Variants in DCC observed in about 807,000 individuals in gnomAD.
The protein encoded by DCC is DCC netrin 1 receptor.
A neutral mutation model predicts 172.5 loss-of-function variants in DCC; 58 were observed. That is an observed-to-expected ratio of 0.34 (90% CI 0.27 to 0.42). The LOEUF (loss-of-function observed/expected upper bound fraction) is 0.42. Ranked by LOEUF, DCC falls within the 10% of genes least tolerant of loss-of-function variation. The pLI is 1.00. For synonymous variants in DCC, 709 were observed against 644.5 expected, an observed-to-expected ratio of 1.10 and a Z score of -1.52; for missense variants, 1,740 against 1,791.0, an observed-to-expected ratio of 0.97 and a Z score of 0.51.
chr18:53,267,165 GAC>G (rs1260646461), intron 12 of DCC, among the ~76,000 whole-genome samples: 1 of 151,172 alleles, frequency 6.6e-6, no homozygotes, highest in Non-Finnish European at 1.5e-5. Context: ...GAGAGAGAGA[GAC>G]AGAGACAGAG....
rs1211488440 is a variant in DCC, at chr18:53,351,422, C to G, written c.2359+11515C>G. ...CAGTGTATATATATATATATACACA[C>G]TGTGTATATATATATACAGTGTATA... On this transcript the variant is annotated intron_variant, in intron 15 of 28. Transcript: ENST00000442544. Among the ~76,000 whole-genome samples, 24 of 15,066 alleles carry G rather than the reference C, an allele frequency of 1.6e-3. 1 individual carries two copies. Among genetic ancestry groups the G allele is most frequent in the East Asian group, 7.2e-3 (2 of 278 alleles). The allele number at this position is 15,066 out of a possible 152,430, so 9.9% of individuals were successfully genotyped here. A position where few individuals can be genotyped will look rare whatever the true frequency, so the allele number is the denominator to read the frequency against.
intron 2 of DCC, among the ~76,000 whole-genome samples, chr18:52,878,541 G>A (rs4939710): frequency 0.96 from 146,856 of 152,306 alleles, 71,050 homozygotes; most frequent in Middle Eastern, 1. Context: ...TTTTAACCCC[G>A]TAGCCTTTTC....
At chr18:52,347,572 C>T (rs1438652495) in intron 1 of DCC, among the ~76,000 whole-genome samples, 1 of 152,002 alleles carries the variant, frequency 6.6e-6, no homozygotes, top group Non-Finnish European at 1.5e-5. Context: ...GAAACTTCTC[C>T]CTGTATAAAA....
chr18:53,427,916 A>ATATAATATATAATATAATATAATATAT lies in DCC; in HGVS notation c.3164-7208_3164-7182dup, dbSNP rs1414428249. Reference sequence around the variant, plus strand: ...AATAAATTATATATAATATATAATAATATAATATATAATATAATATAATAT... The same window carrying ATATAATATATAATATAATATAATATAT: ...AATAAATTATATATAATATATAATAATATAATATATAATATAATATAATATATTATAATATATAATATAATATAATAT... On this transcript the variant is annotated intron_variant, in intron 21 of 28. Coordinates refer to ENST00000442544, the MANE Select transcript of DCC (RefSeq NM_005215.4). 7.8e-4 allele frequency among the ~76,000 whole-genome samples: 30 copies of ATATAATATATAATATAATATAATATAT among 38,258 alleles called. 1 individual carries two copies. The highest frequency in any genetic ancestry group is 1.8e-3 in the African/African-American group (30 of 16,814). 25.1% of individuals were successfully genotyped at this position (38,258 alleles called of 152,430 possible).
chr18:53,029,910 G>C (rs1345505656), intron 5 of DCC, among the ~76,000 whole-genome samples: 5 of 152,110 alleles, frequency 3.3e-5, no homozygotes, highest in Non-Finnish European at 7.3e-5. Context: ...GAGTACTGAG[G>C]TATTTGTTGA....
chr18:52,759,096 T>C (rs1324908968), intron 2 of DCC: 1 of 152,140 alleles, frequency 6.6e-6, no homozygotes, highest in Non-Finnish European at 1.5e-5. Flanking sequence ...TAAGTAACTG[T>C]TATATGTTTA....
chr18:52,459,529 G>A (rs538759683), intron 1 of DCC, among the ~76,000 whole-genome samples: 17 of 151,550 alleles, frequency 1.1e-4, no homozygotes, highest in East Asian at 7.9e-4. Flanking sequence ...GTGCAGTGGC[G>A]CTATCTCGGC....
intron 27 of DCC, among the ~76,000 whole-genome samples, chr18:53,517,307 G>C (rs888685887): frequency 4.6e-5 from 7 of 151,632 alleles, no homozygotes; most frequent in African/African-American, 1.7e-4. Flanking sequence ...GTGGGGTGGG[G>C]GGAGGCGGGA....
At chr18:53,266,060 G>T (rs948104222) in intron 12 of DCC, among the ~76,000 whole-genome samples, 1 of 152,064 alleles carries the variant, frequency 6.6e-6, no homozygotes, top group Non-Finnish European at 1.5e-5. Flanking sequence ...TCCTGCTCTG[G>T]GGTCTTCCTC....
rs367734161 is a variant in DCC, at chr18:52,752,351, G to A, written c.389G>A (p.Arg130Gln). Residue 130 changes from arginine (R) to glutamine (Q), a missense_variant, in exon 2 of 29, where the codon CGG (arginine) becomes CAG (glutamine). Arg to Gln is a conservative substitution (Grantham distance 43, BLOSUM62 1). Coordinates refer to ENST00000442544, the MANE Select transcript of DCC (RefSeq NM_005215.4). ...SLGDSGSIIS[R>Q]TAKVAVAGPL... ...GGAGATTCTGGCTCAATTATTAGTC[G>A]GACAGCAAAAGTTGCAGTAGCAGGT... 15 of 1,613,848 alleles carry A rather than the reference G, an allele frequency of 9.3e-6. No individual in the cohort carries two copies. The highest frequency in any genetic ancestry group is 6.7e-5 in the Admixed American group (4 of 59,986).
chr18:52,721,102 G>A (rs1321268875), intron 1 of DCC, among the ~76,000 whole-genome samples: 1 of 152,174 alleles, frequency 6.6e-6, no homozygotes, highest in Non-Finnish European at 1.5e-5. Context: ...CTGGGTTTGA[G>A]AGGTGGGCTG....
chr18:52,588,701 A>C (rs2033731358), intron 1 of DCC, among the ~76,000 whole-genome samples: 1 of 151,790 alleles, frequency 6.6e-6, no homozygotes, highest in Non-Finnish European at 1.5e-5. Flanking sequence ...GCCCATAAAG[A>C]GGGAGCAGAC....
intron 2 of DCC, among the ~76,000 whole-genome samples, chr18:52,861,319 C>T (rs889832937): frequency 3.3e-5 from 5 of 152,162 alleles, no homozygotes; most frequent in Non-Finnish European, 7.4e-5. Flanking sequence ...ATAAAGTCAA[C>T]TTCAATTCCT....
intron 2 of DCC, among the ~76,000 whole-genome samples, chr18:52,844,173 T>C (rs532909846): frequency 1.2e-3 from 185 of 152,286 alleles, no homozygotes; most frequent in Non-Finnish European, 1.7e-3. Flanking sequence ...AATATAGGAC[T>C]GGTCAGATAA....
At chr18:53,344,596 C>T (rs1178995707) in intron 15 of DCC, among the ~76,000 whole-genome samples, 1 of 151,566 alleles carries the variant, frequency 6.6e-6, no homozygotes, top group Admixed American at 6.6e-5. Context: ...CGTGCGCCAT[C>T]GTGCCTGGCT....
At chr18:52,873,449 C>T (rs1251923675) in intron 2 of DCC, among the ~76,000 whole-genome samples, 1 of 151,918 alleles carries the variant, frequency 6.6e-6, no homozygotes, top group Non-Finnish European at 1.5e-5. Context: ...CTGTTATTGG[C>T]TATTCCATCC....
chr18:52,706,904 C>A (rs1190413078), intron 1 of DCC, among the ~76,000 whole-genome samples: 1 of 152,056 alleles, frequency 6.6e-6, no homozygotes, highest in Non-Finnish European at 1.5e-5. Flanking sequence ...GGGAGATGAT[C>A]AGAGAGGGTC....
intron 1 of DCC, among the ~76,000 whole-genome samples, chr18:52,357,712 G>A (rs1046338370): frequency 4.6e-5 from 7 of 151,776 alleles, no homozygotes; most frequent in East Asian, 1.9e-4. Flanking sequence ...AAAATTGGCC[G>A]GATCATGAGG....
intron 7 of DCC, among the ~76,000 whole-genome samples, chr18:53,153,386 T>C (rs998204623): frequency 2.0e-5 from 3 of 152,092 alleles, no homozygotes; most frequent in East Asian, 3.9e-4. Flanking sequence ...AATGAGAATA[T>C]CTGGCCTGAT....
Sources: allele counts gnomAD v4.1 joint callset (sites outside exome capture counted in the v4.1 genomes callset), GRCh38; gene constraint gnomAD v4.1.1; transcripts MANE v1.5; gene names NCBI Gene and HGNC (gene_info 2026-07-23, HGNC 2026-07-21).